SCAND3: variants seen among roughly 807,000 people sequenced by gnomAD.
The protein encoded by SCAND3 is SCAN domain-containing protein 3.
At chr6:28,593,677 A>C in the SCAND3 span, 1 of 152,178 alleles carries the variant, frequency 6.6e-6, no homozygotes, top group Non-Finnish European at 1.5e-5. Context: ...CTTCGTCTCA[A>C]AAAAAACAAA....
the SCAND3 span, chr6:28,597,745 G>T: frequency 6.6e-6 from 1 of 152,216 alleles, no homozygotes; most frequent in African/African-American, 2.4e-5. Context: ...TAGCTCCTCT[G>T]TGTTCTCCCT....
the SCAND3 span, chr6:28,586,845 G>A: frequency 1.4e-6 from 1 of 692,328 alleles, no homozygotes; most frequent in Non-Finnish European, 2.4e-6. The surrounding 1 kb of genome is among the most constrained non-coding windows in gnomAD (Gnocchi z 4.4). Context: ...CTCAACACAG[G>A]ACAACTACAG....
chr6:28,597,786 T>C, the SCAND3 span: 2 of 152,216 alleles, frequency 1.3e-5, no homozygotes, highest in Admixed American at 1.3e-4. Flanking sequence ...CTTCTCCTGA[T>C]GAGAACATCT....
At chr6:28,581,170 C>T in the SCAND3 span, among the ~76,000 whole-genome samples, 3 of 151,990 alleles carry the variant, frequency 2.0e-5, no homozygotes, top group Non-Finnish European at 2.9e-5. Flanking sequence ...AACCTCATCA[C>T]TGCCCAAAAT....
At chr6:28,586,940 A>G in the SCAND3 span, 1 of 573,758 alleles carries the variant, frequency 1.7e-6, no homozygotes, top group Non-Finnish European at 3.1e-6. The surrounding 1 kb of genome is among the most constrained non-coding windows in gnomAD (Gnocchi z 4.4). Context: ...TCCTCTGAAA[A>G]GACCAGAAAT....
At chr6:28,599,966 G>A in the SCAND3 span, among the ~76,000 whole-genome samples, 49 of 151,720 alleles carry the variant, frequency 3.2e-4, no homozygotes, top group South Asian at 6.6e-3. Context: ...ACTGACCTTA[G>A]CACTTTCATA....
the SCAND3 span, chr6:28,571,904 A>T: frequency 2.2e-5 from 36 of 1,609,002 alleles, no homozygotes; most frequent in East Asian, 8.0e-4. Context: ...ATCAATATTT[A>T]AAGCTTTTAA....
At chr6:28,607,587 T>C in the SCAND3 span, among the ~76,000 whole-genome samples, 1 of 151,870 alleles carries the variant, frequency 6.6e-6, no homozygotes, top group Non-Finnish European at 1.5e-5. Flanking sequence ...GGAGGTGGAA[T>C]AGCAGAAACA....
At chr6:28,597,812 T>A in the SCAND3 span, 1 of 152,202 alleles carries the variant, frequency 6.6e-6, no homozygotes, top group Non-Finnish European at 1.5e-5. Flanking sequence ...GATTCCTGTT[T>A]TCTGGGAGGT....
At chr6:28,604,670 T>G in the SCAND3 span, among the ~76,000 whole-genome samples, 1 of 152,148 alleles carries the variant, frequency 6.6e-6, no homozygotes, top group Admixed American at 6.5e-5. Flanking sequence ...AATCTAAATT[T>G]TTACATAATT....
the SCAND3 span, chr6:28,586,632 T>A: frequency 6.2e-7 from 1 of 1,614,050 alleles, no homozygotes; most frequent in Non-Finnish European, 8.5e-7. The surrounding 1 kb of genome is among the most constrained non-coding windows in gnomAD (Gnocchi z 4.4). Context: ...GTGGTCTTCT[T>A]CTTTAACCTT....
chr6:28,576,150 A>C, the SCAND3 span: 1 of 1,545,780 alleles, frequency 6.5e-7, no homozygotes, highest in Non-Finnish European at 8.7e-7. Flanking sequence ...AAAACAAAGG[A>C]AAAAAATCAA....
At chr6:28,599,622 G>A in the SCAND3 span, among the ~76,000 whole-genome samples, 1 of 152,150 alleles carries the variant, frequency 6.6e-6, no homozygotes, top group South Asian at 2.1e-4. Flanking sequence ...CTCTTCTCTT[G>A]TCTGCCACCA....
the SCAND3 span, chr6:28,575,264 T>C: frequency 1.9e-6 from 3 of 1,614,030 alleles, no homozygotes; most frequent in Non-Finnish European, 2.5e-6. The surrounding 1 kb of genome is among the most constrained non-coding windows in gnomAD (Gnocchi z 4.2). Flanking sequence ...AAAATCCTCT[T>C]TCGGATATCC....
At chr6:28,588,993 T>G in the SCAND3 span, among the ~76,000 whole-genome samples, 1 of 152,214 alleles carries the variant, frequency 6.6e-6, no homozygotes, top group African/African-American at 2.4e-5. The surrounding 1 kb of genome is among the most constrained non-coding windows in gnomAD (Gnocchi z 4.1). Context: ...TAGTGAAAAT[T>G]AGTTAAGACA....
chr6:28,587,695 C>T, the SCAND3 span: 1 of 152,168 alleles, frequency 6.6e-6, no homozygotes, highest in African/African-American at 2.4e-5. Flanking sequence ...GCCACTTTCA[C>T]CTTTCCCTTT....
chr6:28,601,698 G>A, the SCAND3 span, among the ~76,000 whole-genome samples: 2 of 152,124 alleles, frequency 1.3e-5, no homozygotes, highest in East Asian at 3.9e-4. Flanking sequence ...GTTTGTGTGT[G>A]TATTTTTAGT....
At chr6:28,573,134 CAT>C in the SCAND3 span, 1 of 1,612,034 alleles carries the variant, frequency 6.2e-7, no homozygotes, top group Non-Finnish European at 8.5e-7. Context: ...TCAAACCTCA[CAT>C]AGACTAAAAG....
chr6:28,575,387 T>A, the SCAND3 span: 1 of 1,614,058 alleles, frequency 6.2e-7, no homozygotes, highest in Non-Finnish European at 8.5e-7. The surrounding 1 kb of genome is among the most constrained non-coding windows in gnomAD (Gnocchi z 4.2). Flanking sequence ...GAAAATTCCC[T>A]CCCATTGTCA....
Sources: gnomAD v4.1 joint callset for allele counts (sites outside exome capture counted in the v4.1 genomes callset) on GRCh38, gnomAD v4.1.1 for gene constraint, Gnocchi (gnomAD v3.1) non-coding constraint, MANE v1.5 for transcripts, NCBI Gene and HGNC (gene_info 2026-07-23, HGNC 2026-07-21) for gene names.